The following AHNAK2 variants were observed in gnomAD, a reference collection of about 807,000 sequenced individuals.
The protein encoded by AHNAK2 is AHNAK nucleoprotein 2, also known as protein AHNAK2.
A neutral mutation model predicts 30.7 loss-of-function variants in AHNAK2; 18 were observed. The ratio of observed to expected loss-of-function variants is 0.59; its 90% CI spans 0.41 to 0.87. The LOEUF (loss-of-function observed/expected upper bound fraction) is 0.87, where lower values mean the gene tolerates loss of function less well. AHNAK2 is among the 40% of genes least tolerant of loss of function. The pLI is 0.00. For synonymous variants in AHNAK2, 3,590 were observed against 3,073.8 expected (o/e 1.17, Z -5.56); for missense variants, 8,604 against 7,373.0 (o/e 1.17, Z -6.11).
chr14:104,952,378 C>T lies in AHNAK2; in HGVS notation c.3073G>A (p.Ala1025Thr), dbSNP rs747748757. ...KSIKALVDVS[A>T]PKVEADLSLP... ...CTCAGGTCGGCCTCCACCTTGGGTG[C>T]AGACACATCCACCAAGGCCTTGATG... is the stretch of plus-strand genomic sequence containing the variant. Residue 1025 changes from alanine (A) to threonine (T), a missense_variant, in exon 7 of 7, where the codon GCA becomes ACA. Physicochemically the swap from Ala to Thr is moderately conservative, Grantham distance 58. Transcript: ENST00000333244. 3 of 1,612,844 alleles carry T rather than the reference C, an allele frequency of 1.9e-6. No individual in the cohort carries two copies. In the African/African-American group the frequency reaches 4.0e-5, roughly 22 times the overall value.
chr14:104,941,692 C>T lies in AHNAK2; in HGVS notation c.13759G>A (p.Val4587Met), dbSNP rs779279676. ...TCCACGCTGGGCAGAGACACCTCCA[C>T]ATCGGGGGCCATCACCTCTGCCTTT... ...GPKAEVMAPD[V>M]EVSLPSVETD... is the part of the protein sequence containing the mutation. The change falls in exon 7 of 7, where the codon GTG (valine) becomes ATG (methionine). Residue 4587 changes from valine (V) to methionine (M), a missense_variant. Transcript: ENST00000333244. The T allele has an allele frequency of 9.3e-6, 15 of 1,613,000 alleles. No individual in the cohort carries two copies. The highest frequency in any genetic ancestry group is 7.7e-5 in the South Asian group (7 of 91,040).
chr14:104,952,031 C>A lies in AHNAK2; in HGVS notation c.3420G>T (p.Leu1140=). 6.2e-7 allele frequency: 1 copy of A among 1,612,628 alleles called. No individual in the cohort carries two copies. The highest frequency in any genetic ancestry group is 8.5e-7 in the Non-Finnish European group (1 of 1,179,606). Residue 1140 remains leucine, a synonymous_variant, in exon 7 of 7, where the codon CTG becomes CTT. Transcript: ENST00000333244. The part of the protein sequence containing the change: ...EVDVEAPGAK[L]DSARLEGELS... Reference sequence around the variant, plus strand: ...GTTCCCCCTCCAGCCGCGCACTGTCCAGCTTGGCTCCCGGGGCCTCGACGT... The same window carrying A: ...GTTCCCCCTCCAGCCGCGCACTGTCAAGCTTGGCTCCCGGGGCCTCGACGT...
chr14:104,943,052 G>C lies in AHNAK2; in HGVS notation c.12399C>G (p.Phe4133Leu), dbSNP rs755447181. 8 of 1,612,942 alleles carry C rather than the reference G, an allele frequency of 5.0e-6. No homozygotes were observed. Among genetic ancestry groups the C allele is most frequent in the East Asian group, 2.2e-5 (1 of 44,768 alleles). ...DKDVTAKDSKFKMPKFKMPSF... is the reference protein window; with the variant it reads ...DKDVTAKDSKLKMPKFKMPSF... ...ATGGCATCTTGAACTTGGGCATTTT[G>C]AACTTGCTGTCTTTGGCAGTCACAT... is the stretch of plus-strand genomic sequence containing the variant. Residue 4133 changes from phenylalanine to leucine, a missense_variant, in exon 7 of 7, where the codon TTC becomes TTG. Transcript: ENST00000333244.
In AHNAK2 at chr14:104,939,498, G is replaced by A. The variant is rs762147982; in HGVS notation, c.15953C>T (p.Thr5318Ile). The change falls in exon 7 of 7, where the codon ACC (threonine) becomes ATC (isoleucine). Residue 5318 changes from threonine to isoleucine, a missense_variant. By Grantham distance (89) the Thr-to-Ile change is moderately conservative (BLOSUM62 -1). Transcript: ENST00000333244. ...ATCTATTTCTCCTGGAAGAACCTGGGTTTCTGGAAGCCTCATGCCAGGCAT... is the reference window on the plus strand; with the variant it reads ...ATCTATTTCTCCTGGAAGAACCTGGATTTCTGGAAGCCTCATGCCAGGCAT... Reference protein sequence around the residue: ...FQMPGMRLPETQVLPGEIDET... With the variant: ...FQMPGMRLPEIQVLPGEIDET... 1.9e-6 allele frequency: 3 copies of A among 1,613,624 alleles called. No homozygotes were observed. Among genetic ancestry groups the A allele is most frequent in the Non-Finnish European group, 2.5e-6 (3 of 1,179,848 alleles).
rs770043441 is a variant in AHNAK2, at chr14:104,949,881, A to C, written c.5570T>G (p.Val1857Gly). 105 of 1,587,880 alleles carry C rather than the reference A, an allele frequency of 6.6e-5. 13 individuals are homozygous for C. The Admixed American group carries it at 9.7e-4, about 15-fold the overall frequency. Residue 1857 changes from valine to glycine, a missense_variant, in exon 7 of 7, where the codon GTG (valine) becomes GGG (glycine). Val to Gly is a moderately radical substitution (Grantham distance 109, BLOSUM62 -3). Transcript: ENST00000333244. ...DVSAPKVEAE[V>G]SLPSMQGDLK... ...GTCCCCCTGCATGGAGGGGAGGCTC[A>C]CTTCGGCCTCCACCTTCGGCGCAGA...
rs201897243 is a variant in AHNAK2, at chr14:104,952,108, C to T, written c.3343G>A (p.Ala1115Thr). 5.7e-4 allele frequency: 913 copies of T among 1,612,840 alleles called. 3 individuals carry two copies. Among genetic ancestry groups the T allele is most frequent in the Non-Finnish European group, 6.5e-4 (767 of 1,179,720 alleles). ...TCCACATCAGGGGCTGTGACTTCCGCCTTGGGGCTTTTCAGGTCCAGCTTG... is the reference window on the plus strand; with the variant it reads ...TCCACATCAGGGGCTGTGACTTCCGTCTTGGGGCTTTTCAGGTCCAGCTTG... ...GPKLDLKSPK[A>T]EVTAPDVEVS... Residue 1115 changes from alanine to threonine, a missense_variant, in exon 7 of 7, where the codon GCG (alanine) becomes ACG (threonine). Ala to Thr is a moderately conservative substitution (Grantham distance 58, BLOSUM62 0). Coordinates refer to ENST00000333244, the MANE Select transcript of AHNAK2 (RefSeq NM_138420.4).
At position 104,946,848 on chromosome 14, in the gene AHNAK2, G is replaced by A. The variant is rs569768217; in HGVS notation, c.8603C>T (p.Ala2868Val). ...CTGGCCAGCCTGGACCTCCAGTTGG[G>A]CGGAGGGGGGCTGAATGCGGATGTC... ...TTDIRIQPPS[A>V]QLEVQAGQVD... The change falls in exon 7 of 7, where the codon GCC (alanine) becomes GTC (valine). Residue 2868 changes from alanine (A) to valine (V), a missense_variant. Transcript: ENST00000333244. 1 of 1,612,696 alleles carries A rather than the reference G, an allele frequency of 6.2e-7. No individual in the cohort carries two copies. Among genetic ancestry groups the A allele is most frequent in the South Asian group, 1.1e-5 (1 of 91,040 alleles).
rs776061423 is a variant in AHNAK2, at chr14:104,953,096, C to G, written c.2355G>C (p.Ala785=). The G allele has an allele frequency of 1.2e-5, 19 of 1,613,412 alleles. No individual in the cohort carries two copies. The South Asian group carries it at 1.6e-4, about 14-fold the overall frequency. ...GPKLDLKGPK[A]EVTAPDVKMS... is the part of the protein sequence containing the mutation. ...TCTTCACATCGGGGGCTGTCACTTC[C>G]GCCTTGGGGCCTTTCAGGTCCAGCT... is the stretch of plus-strand genomic sequence containing the variant. Residue 785 remains alanine, a synonymous_variant, in exon 7 of 7, where the codon GCG becomes GCC. Coordinates refer to ENST00000333244, the MANE Select transcript of AHNAK2 (RefSeq NM_138420.4).
chr14:104,962,780 C>T (rs1265869044), intron 1 of AHNAK2, among the ~76,000 whole-genome samples: 2 of 152,082 alleles, frequency 1.3e-5, no homozygotes, highest in East Asian at 1.9e-4. Flanking sequence ...GTCTTTTCAC[C>T]GAATGGTCCT....
Position 104,941,950 on chromosome 14 carries a change from A to C in AHNAK2, c.13501T>G (p.Ser4501Ala). ...PKMEADMSIPSMQGDLKTTDL... is the reference protein window; with the variant it reads ...PKMEADMSIPAMQGDLKTTDL... ...GTGGTCTTGAGGTCCCCCTGCATGG[A>C]GGGAATGCTCATGTCGGCCTCCATC... The change falls in exon 7 of 7, where the codon TCC becomes GCC. Residue 4501 changes from serine (S) to alanine (A), a missense_variant. Coordinates refer to ENST00000333244, the MANE Select transcript of AHNAK2 (RefSeq NM_138420.4). 2 of 1,613,144 alleles carry C rather than the reference A, an allele frequency of 1.2e-6. No individual in the cohort carries two copies. The highest frequency in any genetic ancestry group is 3.3e-5 in the Admixed American group (2 of 59,970).
Position 104,954,863 on chromosome 14 carries a change from G to T in AHNAK2, c.652-64C>A. 1 of 1,538,392 alleles carries T rather than the reference G, an allele frequency of 6.5e-7. No homozygotes were observed. On this transcript the variant is annotated intron_variant, in intron 6 of 6. Transcript: ENST00000333244. This position sits in a 1 kb window ranked among gnomAD's most constrained non-coding sequence, Gnocchi z 4.3. ...AAGAAGCCTGGGGCCCTGGCCCAGG[G>T]ACAGATGGAGTGGGAGTGCTATCCC...
At position 104,951,733 on chromosome 14, in the gene AHNAK2, C is replaced by T. The variant is rs1898724889; in HGVS notation, c.3718G>A (p.Ala1240Thr). 8.0e-7 allele frequency: 1 copy of T among 1,247,334 alleles called. No homozygotes were observed. The highest frequency in any genetic ancestry group is 1.4e-5 in the South Asian group (1 of 70,142). 77.3% of individuals were successfully genotyped at this position (1,247,334 alleles called of 1,614,324 possible). A position where few individuals can be genotyped will look rare whatever the true frequency, so the allele number is the denominator to read the frequency against. The change falls in exon 7 of 7, where the codon GCC (alanine) becomes ACC (threonine). Residue 1240 changes from alanine to threonine, a missense_variant. Physicochemically the swap from Ala to Thr is moderately conservative, Grantham distance 58. Transcript: ENST00000333244. ...TTGGGCAGGTGCCCTTTGAAGCCGG[C>T]TCCCTCAGGCACGTGGCCCTCCAGG... The part of the protein sequence containing the change: ...KLLEGHVPEG[A>T]GFKGHLPKVQ...
At position 104,947,356 on chromosome 14, in the gene AHNAK2, G is replaced by A; in HGVS notation, c.8095C>T (p.Gln2699Ter). 2 of 1,612,470 alleles carry A rather than the reference G, an allele frequency of 1.2e-6. No homozygotes were observed. The highest frequency in any genetic ancestry group is 1.3e-5 in the African/African-American group (1 of 74,304). ...GDLKTTDISI[Q>*]PPSAQLEVQA... ...ACCTCCAGTTGGGCAGAGGGGGGCT[G>A]AATGCTGATGTCAGTGGTCTTAAGG... The change falls in exon 7 of 7, where the codon CAG becomes TAG. Residue 2699 changes from glutamine to a stop codon, truncating the protein, a stop_gained. Transcript: ENST00000333244. LOFTEE classifies it low-confidence loss of function (END_TRUNC).
chr14:104,943,553 G>C lies in AHNAK2; in HGVS notation c.11898C>G (p.Ser3966Arg), dbSNP rs1466094185. ...TCTTGAACTTGGGCATTTTGAACTTGCTGTCTTTGGCCGTCATGTCCTTGT... is the reference window on the plus strand; with the variant it reads ...TCTTGAACTTGGGCATTTTGAACTTCCTGTCTTTGGCCGTCATGTCCTTGT... Reference protein sequence around the residue: ...LADKDMTAKDSKFKMPKFKMP... With the variant: ...LADKDMTAKDRKFKMPKFKMP... The change falls in exon 7 of 7, where the codon AGC (serine) becomes AGG (arginine). Residue 3966 changes from serine to arginine, a missense_variant. Coordinates refer to ENST00000333244, the MANE Select transcript of AHNAK2 (RefSeq NM_138420.4). 6.2e-7 allele frequency: 1 copy of C among 1,612,900 alleles called. No homozygotes were observed. Among genetic ancestry groups the C allele is most frequent in the Non-Finnish European group, 8.5e-7 (1 of 1,179,516 alleles).
In AHNAK2 at chr14:104,978,306, G is replaced by C. The variant is rs1028773061; in HGVS notation, c.-69C>G. On this transcript the variant is annotated 5_prime_UTR_variant, in exon 1 of 7. Coordinates refer to ENST00000333244, the MANE Select transcript of AHNAK2 (RefSeq NM_138420.4). ...GTCGCTGGTCCCGGCTCCGGCGCAC[G>C]GGGCGGGCGGGCGGGAGCCGCGCTC... 1 of 969,546 alleles carries C rather than the reference G, an allele frequency of 1.0e-6. No homozygotes were observed. Among genetic ancestry groups the C allele is most frequent in the Non-Finnish European group, 1.3e-6 (1 of 787,292 alleles). The allele number at this position is 969,546 out of a possible 1,614,324, so 60.1% of individuals were successfully genotyped here.
rs200046539 is a variant in AHNAK2 at position 104,951,914 on chromosome 14, G to C, written c.3537C>G (p.Gly1179=). Residue 1179 remains glycine, a synonymous_variant, in exon 7 of 7, where the codon GGC becomes GGG. Transcript: ENST00000333244. Reference sequence around the variant, plus strand: ...CATCCACCGAGGCCTCGATGGACTTGCCTGGGGCTGACGCCCCGAACGATG... The same window carrying C: ...CATCCACCGAGGCCTCGATGGACTTCCCTGGGGCTGACGCCCCGAACGATG... ...KMPSFGASAP[G]KSIEASVDVS... is the part of the protein sequence containing the mutation. 1.6e-4 allele frequency: 262 copies of C among 1,608,050 alleles called. 3 individuals carry two copies. Among genetic ancestry groups the C allele is most frequent in the African/African-American group, 1.1e-3 (81 of 73,502 alleles).
In AHNAK2 at chr14:104,942,027, A is replaced by T. The variant is rs749905209; in HGVS notation, c.13424T>A (p.Met4475Lys). 6.2e-7 allele frequency: 1 copy of T among 1,612,502 alleles called. No individual in the cohort carries two copies. The highest frequency in any genetic ancestry group is 1.1e-5 in the South Asian group (1 of 91,006). ...CTCGATGGACTTGCCTGGGGACAAC[A>T]TCCCAAAGGATGGCATCTTGAACTT... is the stretch of plus-strand genomic sequence containing the variant. ...MPKFKMPSFG[M>K]LSPGKSIEVS... is the part of the protein sequence containing the mutation. The change falls in exon 7 of 7, where the codon ATG (methionine) becomes AAG (lysine). Residue 4475 changes from methionine to lysine, a missense_variant. Coordinates refer to ENST00000333244, the MANE Select transcript of AHNAK2 (RefSeq NM_138420.4).
chr14:104,960,362 T>C (rs1595427947), intron 1 of AHNAK2, among the ~76,000 whole-genome samples: 1 of 152,216 alleles, frequency 6.6e-6, no homozygotes, highest in East Asian at 1.9e-4. Context: ...CATTATTCCC[T>C]AAACAATATA....
At position 104,951,867 on chromosome 14, in the gene AHNAK2, G is replaced by A. The variant is rs377718196; in HGVS notation, c.3584C>T (p.Ala1195Val). The A allele has an allele frequency of 3.1e-6, 5 of 1,608,722 alleles. No homozygotes were observed. The African/African-American group carries it at 6.8e-5, about 22-fold the overall frequency. ...SVDVSAPKVEADVSLPSMQGD... is the reference protein window; with the variant it reads ...SVDVSAPKVEVDVSLPSMQGD... Reference sequence around the variant, plus strand: ...CTGCATGGAGGGGAGACTCACGTCGGCCTCCACTTTGGGTGCAGACACATC... The same window carrying A: ...CTGCATGGAGGGGAGACTCACGTCGACCTCCACTTTGGGTGCAGACACATC... Residue 1195 changes from alanine to valine, a missense_variant, in exon 7 of 7, where the codon GCC becomes GTC. By Grantham distance (64) the Ala-to-Val change is moderately conservative. Transcript: ENST00000333244.
Sources: gnomAD v4.1 joint callset for allele counts (sites outside exome capture counted in the v4.1 genomes callset) on GRCh38, gnomAD v4.1.1 for gene constraint, Gnocchi (gnomAD v3.1) non-coding constraint, MANE v1.5 for transcripts, NCBI Gene and HGNC (gene_info 2026-07-23, HGNC 2026-07-21) for gene names.